The following PLEKHO2 variants were observed in gnomAD, a reference collection of about 807,000 sequenced individuals.
The protein encoded by PLEKHO2 is pleckstrin homology domain containing O2.
PLEKHO2 carries 20 observed loss-of-function variants against 32.7 expected under a neutral mutation model. That is an observed-to-expected ratio of 0.61 (90% confidence interval 0.43 to 0.89). The LOEUF (loss-of-function observed/expected upper bound fraction) is 0.89. Ranked by LOEUF, PLEKHO2 falls within the 40% of genes least tolerant of loss-of-function variation. The pLI is 0.00. For missense variants in PLEKHO2, 568 were observed against 621.2 expected (o/e 0.91, Z 0.91); for synonymous variants, 247 against 246.3 (o/e 1.00, Z -0.03).
rs192628207 is a variant in PLEKHO2 at position 64,851,895 on chromosome 15, T to G, written c.163-3026T>G. Among the ~76,000 whole-genome samples, 87 of 152,250 alleles carry G rather than the reference T, an allele frequency of 5.7e-4. 1 individual carries two copies. Among genetic ancestry groups the G allele is most frequent in the African/African-American group, 2.0e-3 (82 of 41,536 alleles). ...TAAGCTGCTCTCTCTCAAGCAAGGA[T>G]TCTTCCCCGGGCAGTTTCCCTGCTC... On this transcript the variant is annotated intron_variant, in intron 2 of 5. Transcript: ENST00000323544.
intron 1 of PLEKHO2, among the ~76,000 whole-genome samples, chr15:64,843,527 C>T (rs1375057924): frequency 6.6e-6 from 1 of 152,026 alleles, no homozygotes; most frequent in African/African-American, 2.4e-5. Context: ...CTCCTGGGCC[C>T]GGCTCAGCTC....
Position 64,865,947 on chromosome 15 carries a change from A to G in PLEKHO2, c.*59A>G, listed in dbSNP as rs2084683302. 3 of 1,533,806 alleles carry G rather than the reference A, an allele frequency of 2.0e-6. No homozygotes were observed. The highest frequency in any genetic ancestry group is 3.8e-5 in the Admixed American group (2 of 52,054). On this transcript the variant is annotated 3_prime_UTR_variant, in exon 6 of 6. Coordinates refer to ENST00000323544, the MANE Select transcript of PLEKHO2 (RefSeq NM_025201.5). The stretch of plus-strand genomic sequence containing the variant: ...CCATCCATCAAGTCCATCAAGGCCC[A>G]GCCCTGCTGAGAAATGTGCTTCTGC...
At chr15:64,855,214 C>A (rs1397194143) in intron 3 of PLEKHO2, among the ~76,000 whole-genome samples, 177 bp downstream of exon 3, 2 of 152,228 alleles carry the variant, frequency 1.3e-5, no homozygotes, top group African/African-American at 4.8e-5. Flanking sequence ...GTCTCGGAAT[C>A]TTCCAAGCCC....
rs1467651420 is a variant in PLEKHO2 at position 64,848,672 on chromosome 15, G to T, written c.92G>T (p.Gly31Val). 4 of 1,614,152 alleles carry T rather than the reference G, an allele frequency of 2.5e-6. No homozygotes were observed. Among genetic ancestry groups the T allele is most frequent in the Non-Finnish European group, 3.4e-6 (4 of 1,180,030 alleles). The stretch of plus-strand genomic sequence containing the variant: ...GGCTGGATCAAGAAGAGCAGTGGGG[G>T]CCTCCTGGGTTTCTGGAAAGACCGA... ...KAGWIKKSSG[G>V]LLGFWKDRYL... The change falls in exon 2 of 6, where the codon GGC becomes GTC. Residue 31 changes from glycine (G) to valine (V), a missense_variant. By Grantham distance (109) the Gly-to-Val change is moderately radical (BLOSUM62 -3). Transcript: ENST00000323544.
intron 3 of PLEKHO2, among the ~76,000 whole-genome samples, chr15:64,858,286 G>A (rs1274264074): frequency 6.6e-6 from 1 of 152,228 alleles, no homozygotes; most frequent in Non-Finnish European, 1.5e-5. Context: ...GCATGAGGAG[G>A]AGGCAGTGGC....
chr15:64,843,304 G>T (rs1360187744), intron 1 of PLEKHO2, among the ~76,000 whole-genome samples: 2 of 152,236 alleles, frequency 1.3e-5, no homozygotes, highest in East Asian at 3.8e-4. Context: ...TTCTCTCAGT[G>T]GGTGAAGGTA....
chr15:64,860,670 C>T (rs1158600699), intron 4 of PLEKHO2, among the ~76,000 whole-genome samples: 1 of 152,240 alleles, frequency 6.6e-6, no homozygotes, highest in Non-Finnish European at 1.5e-5. Flanking sequence ...TCTTAATACC[C>T]AGGTTCCCCG....
chr15:64,843,268 C>T (rs1335506129), intron 1 of PLEKHO2, among the ~76,000 whole-genome samples: 1 of 152,246 alleles, frequency 6.6e-6, no homozygotes, highest in Non-Finnish European at 1.5e-5. Flanking sequence ...CTGTCCTCCT[C>T]ATACTCCTGG....
intron 4 of PLEKHO2, 119 bp downstream of exon 4, chr15:64,860,117 G>A (rs1338129423): frequency 1.2e-6 from 1 of 818,538 alleles, no homozygotes; most frequent in Non-Finnish European, 2.0e-6. Context: ...CACTGCTATG[G>A]GGCATTGTTG....
chr15:64,860,742 A>T (rs1338668163), intron 4 of PLEKHO2, among the ~76,000 whole-genome samples: 1 of 152,128 alleles, frequency 6.6e-6, no homozygotes, highest in Non-Finnish European at 1.5e-5. Context: ...GCCCTTCACT[A>T]CCTAGGGGAA....
intron 5 of PLEKHO2, among the ~76,000 whole-genome samples, chr15:64,864,682 G>A (rs1416518377): frequency 1.3e-5 from 2 of 152,206 alleles, no homozygotes; most frequent in Non-Finnish European, 2.9e-5. Flanking sequence ...TTCCAAAACA[G>A]GGAATTCTTT....
intron 2 of PLEKHO2, among the ~76,000 whole-genome samples, chr15:64,853,032 G>A (rs963389696): frequency 5.3e-5 from 8 of 150,706 alleles, no homozygotes; most frequent in South Asian, 2.1e-4. Flanking sequence ...CCAGCTACTC[G>A]GGGGGCTGAG....
chr15:64,854,798 A>G, intron 2 of PLEKHO2, 123 bp from the exon 3 acceptor site: 1 of 714,460 alleles, frequency 1.4e-6, no homozygotes. Flanking sequence ...TGGCAGCCTG[A>G]GGTCCTCCCT....
At position 64,867,224 on chromosome 15, in the gene PLEKHO2, G is replaced by A. The variant is rs28370430; in HGVS notation, c.*1336G>A. The A allele has an allele frequency of 5.2e-5, 8 of 152,742 alleles. No individual in the cohort carries two copies. Among genetic ancestry groups the A allele is most frequent in the East Asian group, 3.9e-4 (2 of 5,190 alleles). The allele number at this position is 152,742 out of a possible 1,614,324, so 9.5% of individuals were successfully genotyped here. ...CTTTTGTTTACTGAAAGAGAGAAAG[G>A]GGGGGGTCACAGCAACATGCCCTGG... is the stretch of plus-strand genomic sequence containing the variant. On this transcript the variant is annotated 3_prime_UTR_variant, in exon 6 of 6. Coordinates refer to ENST00000323544, the MANE Select transcript of PLEKHO2 (RefSeq NM_025201.5).
At chr15:64,849,245 T>G (rs2084547471) in intron 2 of PLEKHO2, among the ~76,000 whole-genome samples, 1 of 151,396 alleles carries the variant, frequency 6.6e-6, no homozygotes, top group African/African-American at 2.4e-5. Context: ...GGGTCCTGGT[T>G]CAAGCAATTC....
chr15:64,864,208 T>C (rs1409727092), intron 5 of PLEKHO2, among the ~76,000 whole-genome samples: 1 of 152,086 alleles, frequency 6.6e-6, no homozygotes, highest in Non-Finnish European at 1.5e-5. Flanking sequence ...ATATCCCTAT[T>C]GGTCCCTGGA....
chr15:64,846,695 G>C (rs1351564345), intron 1 of PLEKHO2, among the ~76,000 whole-genome samples: 3 of 152,142 alleles, frequency 2.0e-5, no homozygotes, highest in Non-Finnish European at 2.9e-5. Context: ...CCCCAAGGTG[G>C]GACCCCACAT....
chr15:64,841,973 G>A lies in PLEKHO2; in HGVS notation c.-44G>A, dbSNP rs1057028338. On this transcript the variant is annotated 5_prime_UTR_variant, in exon 1 of 6. Coordinates refer to ENST00000323544, the MANE Select transcript of PLEKHO2 (RefSeq NM_025201.5). ...GACGCGGTGGCAGAGCCCGCGCGGC[G>A]CTGGAAGCGAGTGGCGGAGCGGCGG... 2.4e-6 allele frequency: 3 copies of A among 1,246,576 alleles called. No individual in the cohort carries two copies. Among genetic ancestry groups the A allele is most frequent in the Non-Finnish European group, 3.0e-6 (3 of 995,790 alleles). 77.2% of individuals were successfully genotyped at this position (1,246,576 alleles called of 1,614,324 possible).
At chr15:64,863,864 C>G (rs1368034745) in intron 5 of PLEKHO2, among the ~76,000 whole-genome samples, 1 of 152,058 alleles carries the variant, frequency 6.6e-6, no homozygotes, top group Non-Finnish European at 1.5e-5. Flanking sequence ...CTGCCTCAGC[C>G]TCCCGAGTAG....
Sources: allele counts gnomAD v4.1 joint callset (sites outside exome capture counted in the v4.1 genomes callset), GRCh38; gene constraint gnomAD v4.1.1; transcripts MANE v1.5; gene names NCBI Gene and HGNC (gene_info 2026-07-23, HGNC 2026-07-21).